The following DLC1 variants were observed in gnomAD, a reference collection of about 807,000 sequenced individuals.
The protein encoded by DLC1 is rho GTPase-activating protein 7.
DLC1 carries 54 observed loss-of-function variants against 140.3 expected under a neutral mutation model. That is an observed-to-expected ratio of 0.38 (90% CI 0.31 to 0.48). The LOEUF is 0.48. DLC1 is among the 20% of genes least tolerant of loss of function. The pLI is 0.96. For synonymous variants in DLC1, 986 were observed against 728.1 expected (o/e 1.35, Z -5.70); for missense variants, 2,536 against 1,907.0 (o/e 1.33, Z -6.14).
intron 4 of DLC1, among the ~76,000 whole-genome samples, chr8:13,307,768 C>T (rs1338081037): frequency 3.9e-5 from 6 of 152,302 alleles, no homozygotes; most frequent in African/African-American, 9.6e-5. Context: ...AAATTCACCA[C>T]ATCTTTAGAA....
At chr8:13,118,509 A>T (rs1017554203) in intron 5 of DLC1, among the ~76,000 whole-genome samples, 2 of 152,198 alleles carry the variant, frequency 1.3e-5, no homozygotes, top group Non-Finnish European at 2.9e-5. Context: ...GTCCACTCTG[A>T]AAACTTAGGC....
chr8:13,099,175 C>T (rs558671031), intron 9 of DLC1, among the ~76,000 whole-genome samples, 172 bp downstream of exon 9: 3 of 152,298 alleles, frequency 2.0e-5, no homozygotes, highest in African/African-American at 7.2e-5. Flanking sequence ...TATACCCATT[C>T]AATCCTATCG....
At chr8:13,188,825 A>ATATATATATATG (rs1826559653) in intron 5 of DLC1, among the ~76,000 whole-genome samples, 1 of 37,144 alleles carries the variant, frequency 2.7e-5, no homozygotes, top group Non-Finnish European at 5.1e-5. Flanking sequence ...ATATATATAT[A>ATATATATATATG]TGTATATATA....
chr8:13,324,311 C>G (rs1009505907), intron 4 of DLC1, among the ~76,000 whole-genome samples: 2 of 152,064 alleles, frequency 1.3e-5, no homozygotes, highest in African/African-American at 4.8e-5. Flanking sequence ...GCTCACGCCT[C>G]TAATCCCAGC....
In DLC1 at chr8:13,375,475, C is replaced by T. The variant is rs952443205; in HGVS notation, c.1314+18078G>A. On this transcript the variant is annotated intron_variant, in intron 4 of 17. Coordinates refer to ENST00000276297, the MANE Select transcript of DLC1 (RefSeq NM_182643.3). Reference sequence around the variant, plus strand: ...GCAAACAGGGACAATTTGACTTCCTCTTTTCCTAATTGAATATCCTTTATT... The same window carrying T: ...GCAAACAGGGACAATTTGACTTCCTTTTTTCCTAATTGAATATCCTTTATT... Among the ~76,000 whole-genome samples the T allele has an allele frequency of 6.6e-4, 100 of 152,212 alleles. 2 individuals carry two copies. Among genetic ancestry groups the T allele is most frequent in the Non-Finnish European group, 1.2e-4 (8 of 68,044 alleles).
At chr8:13,429,450 CA>C (rs1445436156) in intron 2 of DLC1, among the ~76,000 whole-genome samples, 1 of 152,036 alleles carries the variant, frequency 6.6e-6, no homozygotes, top group Non-Finnish European at 1.5e-5. Context: ...TAAAAACAAA[CA>C]AAAAACTTTT....
At chr8:13,542,413 T>C (rs997150115) in intron 1 of DLC1, among the ~76,000 whole-genome samples, 4 of 152,198 alleles carry the variant, frequency 2.6e-5, no homozygotes, top group African/African-American at 9.6e-5. Context: ...TATAGATCTG[T>C]CTTTTCAAAT....
chr8:13,565,840 G>T (rs922633202), intron 1 of DLC1, among the ~76,000 whole-genome samples: 1 of 152,032 alleles, frequency 6.6e-6, no homozygotes, highest in Non-Finnish European at 1.5e-5. Context: ...AATTTCTCAC[G>T]ATAATTAATA....
At chr8:13,545,061 G>T (rs2117340665) in intron 1 of DLC1, among the ~76,000 whole-genome samples, 1 of 152,050 alleles carries the variant, frequency 6.6e-6, no homozygotes, top group Non-Finnish European at 1.5e-5. Flanking sequence ...CTCAGTGCTA[G>T]AACATAGGCA....
chr8:13,219,144 AATT>A (rs1209178930), intron 5 of DLC1, among the ~76,000 whole-genome samples: 2 of 113,194 alleles, frequency 1.8e-5, no homozygotes, highest in Non-Finnish European at 3.3e-5. Flanking sequence ...ATGTGAATAT[AATT>A]ATATAATTAT....
rs372017751 is a variant in DLC1, at chr8:13,499,137, G to A, written c.935C>T (p.Ala312Val). Residue 312 changes from alanine (A) to valine (V), a missense_variant, in exon 2 of 18, where the codon GCA becomes GTA. Transcript: ENST00000276297. ...TTGTAAACACTGCATGCCATCTTCT[G>A]CCTTGACCTTTGGTGGACTTTTGTT... ...HQNKSPPKVKAEDGMQCLQLK... is the reference protein window; with the variant it reads ...HQNKSPPKVKVEDGMQCLQLK... The A allele has an allele frequency of 2.5e-6, 4 of 1,614,166 alleles. No homozygotes were observed. Among genetic ancestry groups the A allele is most frequent in the East Asian group, 2.2e-5 (1 of 44,882 alleles).
chr8:13,553,144 C>A (rs1345515182), intron 1 of DLC1, among the ~76,000 whole-genome samples: 1 of 140,526 alleles, frequency 7.1e-6, no homozygotes, highest in Non-Finnish European at 1.5e-5. Flanking sequence ...CTATTGATTG[C>A]TAATTATCAA....
intron 5 of DLC1, among the ~76,000 whole-genome samples, chr8:13,242,409 C>A (rs557458192): frequency 1.8e-4 from 26 of 148,424 alleles, no homozygotes; most frequent in African/African-American, 6.2e-4. Context: ...TTTTTTTTCT[C>A]CTTGGAGACA....
chr8:13,115,857 G>A (rs1215922143), intron 5 of DLC1, among the ~76,000 whole-genome samples, 200 bp from the exon 6 acceptor site: 1 of 152,122 alleles, frequency 6.6e-6, no homozygotes, highest in Non-Finnish European at 1.5e-5. Context: ...TGTACATGAG[G>A]ATGTATTTTC....
At chr8:13,562,855 A>G (rs986982041) in intron 1 of DLC1, among the ~76,000 whole-genome samples, 2 of 152,000 alleles carry the variant, frequency 1.3e-5, no homozygotes, top group Admixed American at 6.6e-5. Flanking sequence ...ATAAATGAGA[A>G]TGATGTCTAT....
At chr8:13,412,276 A>T (rs902448257) in intron 2 of DLC1, among the ~76,000 whole-genome samples, 1 of 152,204 alleles carries the variant, frequency 6.6e-6, no homozygotes, top group African/African-American at 2.4e-5. Context: ...AGAAATCATG[A>T]CCACACTCAA....
chr8:13,276,225 C>G, intron 5 of DLC1: 3 of 1,533,676 alleles, frequency 2.0e-6, no homozygotes, highest in Non-Finnish European at 1.7e-6. Context: ...TTTTAATACC[C>G]CTCACCCCCG....
At chr8:13,591,010 C>T (rs1467855607) in intron 1 of DLC1, among the ~76,000 whole-genome samples, 6 of 151,952 alleles carry the variant, frequency 3.9e-5, no homozygotes, top group Non-Finnish European at 8.8e-5. Context: ...CATGGAGGTA[C>T]TTTCAATTGA....
In DLC1 at chr8:13,100,170, G is replaced by A. The variant is rs745427262; in HGVS notation, c.2167C>T (p.Arg723Cys). ...TTTCGTACCATGGGGACGTTGATGC[G>A]GTTGCCATTGAGGGCGGAGATCTCC... ...CVEISALNGN[R>C]INVPMVRKRS... is the part of the protein sequence containing the mutation. The change falls in exon 9 of 18, where the codon CGC (arginine) becomes TGC (cysteine). Residue 723 changes from arginine to cysteine, a missense_variant. Arg to Cys is a radical substitution (Grantham distance 180). Coordinates refer to ENST00000276297, the MANE Select transcript of DLC1 (RefSeq NM_182643.3). 8 of 1,613,234 alleles carry A rather than the reference G, an allele frequency of 5.0e-6. No individual in the cohort carries two copies. The Admixed American group carries it at 8.3e-5, about 17-fold the overall frequency.
Sources: gnomAD v4.1 joint callset for allele counts (sites outside exome capture counted in the v4.1 genomes callset) on GRCh38, gnomAD v4.1.1 for gene constraint, MANE v1.5 for transcripts, NCBI Gene and HGNC (gene_info 2026-07-23, HGNC 2026-07-21) for gene names.